Variants in RANBP2 observed in about 807,000 individuals in gnomAD.
The protein encoded by RANBP2 is E3 SUMO-protein ligase RanBP2.
RANBP2 carries 57 observed loss-of-function variants against 303.6 expected under a neutral mutation model. The observed-to-expected ratio is 0.19, with a 90% confidence interval of 0.15 to 0.23. RANBP2 has a LOEUF of 0.23. Ranked by LOEUF, RANBP2 falls within the 10% of genes least tolerant of loss-of-function variation. The probability of loss-of-function intolerance (pLI) is 1.00; values close to 1 mark genes in which losing one functional copy is unlikely to be tolerated. For missense variants in RANBP2, 3,138 were observed against 3,780.8 expected, an observed-to-expected ratio of 0.83 and a Z score of 4.46; for synonymous variants, 1,167 against 1,301.5, an observed-to-expected ratio of 0.90 and a Z score of 2.23.
chr2:109,418,188 C>T, the RANBP2 span, among the ~76,000 whole-genome samples: 1 of 152,106 alleles, frequency 6.6e-6, no homozygotes. Context: ...GACCCCTATT[C>T]TGCCCCTCGT....
the RANBP2 span, among the ~76,000 whole-genome samples, chr2:109,088,765 G>T: frequency 6.6e-6 from 1 of 152,182 alleles, no homozygotes. Flanking sequence ...ACCCGCCTTG[G>T]CCTCCCAAAG....
At chr2:109,643,548 T>A in the RANBP2 span, among the ~76,000 whole-genome samples, 4 of 150,576 alleles carry the variant, frequency 2.7e-5, no homozygotes, top group South Asian at 8.5e-4. Flanking sequence ...TCACCTGAGA[T>A]CAGGAGTTTC....
the RANBP2 span, among the ~76,000 whole-genome samples, chr2:108,901,039 T>C: frequency 6.6e-6 from 1 of 152,092 alleles, no homozygotes; most frequent in Non-Finnish European, 1.5e-5. Flanking sequence ...ACCAACACGA[T>C]CTAATCAACA....
At chr2:109,563,747 A>G in the RANBP2 span, among the ~76,000 whole-genome samples, 2 of 152,208 alleles carry the variant, frequency 1.3e-5, no homozygotes, top group Admixed American at 1.3e-4. Flanking sequence ...TTCTTCCTTT[A>G]TAATATGTTT....
chr2:109,114,480 C>T, the RANBP2 span, among the ~76,000 whole-genome samples: 2 of 151,756 alleles, frequency 1.3e-5, no homozygotes, highest in African/African-American at 4.8e-5. Flanking sequence ...GTGGTGATAT[C>T]CCCTTTATCA....
the RANBP2 span, among the ~76,000 whole-genome samples, chr2:109,183,027 G>A: frequency 3.8e-4 from 58 of 152,250 alleles, 2 homozygotes; most frequent in East Asian, 0.011. Context: ...TGACTGTGTC[G>A]TGAGATGTAT....
the RANBP2 span, among the ~76,000 whole-genome samples, chr2:109,225,018 TTGTC>T: frequency 7.9e-5 from 12 of 152,076 alleles, no homozygotes; most frequent in South Asian, 2.1e-4. Context: ...GAAGGAAAGA[TTGTC>T]TGGAAGAAGG....
the RANBP2 span, among the ~76,000 whole-genome samples, chr2:109,178,913 C>T: frequency 1.1e-4 from 16 of 152,004 alleles, no homozygotes; most frequent in Non-Finnish European, 2.2e-4. Context: ...TAGTTATGGA[C>T]CATCTTCCCT....
chr2:109,513,684 G>A, the RANBP2 span, among the ~76,000 whole-genome samples: 1 of 152,202 alleles, frequency 6.6e-6, no homozygotes, highest in Admixed American at 6.5e-5. Context: ...CTGCGTAGAT[G>A]AGGCTTTGCA....
At chr2:109,473,051 A>G in the RANBP2 span, among the ~76,000 whole-genome samples, 1 of 152,250 alleles carries the variant, frequency 6.6e-6, no homozygotes, top group Non-Finnish European at 1.5e-5. Context: ...ACAGGGTCAC[A>G]TGGTGTTGCA....
At chr2:109,012,907 C>G in the RANBP2 span, among the ~76,000 whole-genome samples, 1 of 152,164 alleles carries the variant, frequency 6.6e-6, no homozygotes, top group Non-Finnish European at 1.5e-5. Context: ...GAGCGAGACT[C>G]CATCTCAGAA....
the RANBP2 span, chr2:109,546,028 G>T: frequency 1.9e-6 from 3 of 1,547,480 alleles, no homozygotes; most frequent in Non-Finnish European, 2.6e-6. Flanking sequence ...GGGCTGCCAG[G>T]GAGGGTGGCT....
chr2:109,164,150 A>T, the RANBP2 span, among the ~76,000 whole-genome samples: 1 of 152,150 alleles, frequency 6.6e-6, no homozygotes. Context: ...TTGGTCCAGG[A>T]AAACTCTGAT....
the RANBP2 span, among the ~76,000 whole-genome samples, chr2:109,075,991 G>C: frequency 6.6e-6 from 1 of 150,530 alleles, no homozygotes; most frequent in Non-Finnish European, 1.5e-5. Context: ...CACAAGAAAA[G>C]AAAACCACAT....
the RANBP2 span, among the ~76,000 whole-genome samples, chr2:109,112,503 G>C: frequency 1.3e-5 from 2 of 151,934 alleles, no homozygotes; most frequent in African/African-American, 4.8e-5. Flanking sequence ...TTGTAAATTT[G>C]TTTGAGTTCA....
chr2:109,614,641 G>C, the RANBP2 span: 1 of 1,467,428 alleles, frequency 6.8e-7, no homozygotes, highest in South Asian at 1.3e-5. Context: ...CAGCGCGCCC[G>C]CGCCCGCGCG....
At chr2:109,556,971 T>C in the RANBP2 span, among the ~76,000 whole-genome samples, 1 of 151,916 alleles carries the variant, frequency 6.6e-6, no homozygotes, top group African/African-American at 2.4e-5. Context: ...AATTCAACAA[T>C]GAGAACACTT....
the RANBP2 span, among the ~76,000 whole-genome samples, chr2:109,650,851 A>G: frequency 1.3e-5 from 2 of 152,068 alleles, no homozygotes; most frequent in Non-Finnish European, 1.5e-5. Context: ...CTTTTTCTTT[A>G]TAAATTACCC....
the RANBP2 span, among the ~76,000 whole-genome samples, chr2:109,529,921 T>G: frequency 6.6e-6 from 1 of 152,216 alleles, no homozygotes; most frequent in East Asian, 1.9e-4. Flanking sequence ...GTTTCTAGAA[T>G]GAGTCTCATG....
Sources: gnomAD v4.1 joint callset for allele counts (sites outside exome capture counted in the v4.1 genomes callset) on GRCh38, gnomAD v4.1.1 for gene constraint, MANE v1.5 for transcripts, NCBI Gene and HGNC (gene_info 2026-07-23, HGNC 2026-07-21) for gene names.